The following RDH13 variants were observed in gnomAD, a reference collection of about 807,000 sequenced individuals.
RDH13 encodes retinol dehydrogenase 13 (all-trans and 9-cis).
A neutral mutation model predicts 28.3 loss-of-function variants in RDH13; 35 were observed. The observed-to-expected ratio is 1.24, with a 90% CI of 0.95 to 1.64. RDH13 has a LOEUF of 1.64. Ranked by LOEUF, RDH13 falls within the 40% of genes most tolerant of loss-of-function variation. The pLI, the probability that RDH13 is intolerant of heterozygous loss-of-function variation, is 0.00. For synonymous variants in RDH13, 229 were observed against 198.5 expected (o/e 1.15, Z -1.29); for missense variants, 514 against 446.3 (o/e 1.15, Z -1.37).
chr19:55,063,061 A>AGGCGTCAGGCGTCAGGCGTCC lies in RDH13; in HGVS notation c.-30_-29insGGACGCCTGACGCCTGACGCC, dbSNP rs56128826. 5.8e-3 allele frequency: 7,570 copies of AGGCGTCAGGCGTCAGGCGTCC among 1,307,786 alleles called. 30 individuals carry two copies. The highest frequency in any genetic ancestry group is 6.9e-3 in the Non-Finnish European group (6,999 of 1,015,166). 81.0% of individuals were successfully genotyped at this position (1,307,786 alleles called of 1,614,324 possible). On this transcript the variant is annotated 5_prime_UTR_variant, in exon 1 of 7. Coordinates refer to ENST00000415061, the MANE Select transcript of RDH13 (RefSeq NM_001145971.2). Reference sequence around the variant, plus strand: ...GGGCCGGGGACAGGCGTCAGGCGTCAGGGGTCGGCGCGGAGCTTGCTGCAC... The same window carrying AGGCGTCAGGCGTCAGGCGTCC: ...GGGCCGGGGACAGGCGTCAGGCGTCAGGCGTCAGGCGTCAGGCGTCCGGGGTCGGCGCGGAGCTTGCTGCAC...
upstream of RDH13, among the ~76,000 whole-genome samples, chr19:55,064,802 G>A (rs569894020): frequency 2.9e-4 from 43 of 149,764 alleles, 1 homozygote; most frequent in Non-Finnish European, 4.9e-4. Context: ...TAGTAGAGAC[G>A]GGGTTTCACC....
Position 55,063,050 on chromosome 19 carries a change from C to CGTCAGGA in RDH13, c.-19_-18insTCCTGAC, listed in dbSNP as rs754233428. 3.1e-6 allele frequency: 4 copies of CGTCAGGA among 1,294,336 alleles called. No individual in the cohort carries two copies. The highest frequency in any genetic ancestry group is 5.0e-5 in the Admixed American group (1 of 19,850). 80.2% of individuals were successfully genotyped at this position (1,294,336 alleles called of 1,614,324 possible). Reference sequence around the variant, plus strand: ...CGGCTCATGCCGGGCCGGGGACAGGCGTCAGGCGTCAGGGGTCGGCGCGGA... The same window carrying CGTCAGGA: ...CGGCTCATGCCGGGCCGGGGACAGGCGTCAGGAGTCAGGCGTCAGGGGTCGGCGCGGA... On this transcript the variant is annotated 5_prime_UTR_variant, in exon 1 of 7. Transcript: ENST00000415061.
At chr19:55,049,290 A>C (rs547256867) in intron 3 of RDH13, among the ~76,000 whole-genome samples, 1 of 152,276 alleles carries the variant, frequency 6.6e-6, no homozygotes, top group East Asian at 1.9e-4. Flanking sequence ...CAAAAACGGG[A>C]GGTTACCGGT....
intron 4 of RDH13, 45 bp downstream of exon 4, chr19:55,048,614 G>T: frequency 6.2e-7 from 1 of 1,610,066 alleles, no homozygotes; most frequent in Non-Finnish European, 8.5e-7. Context: ...GGACGACGGG[G>T]GAGGATCGCT....
intron 1 of RDH13, among the ~76,000 whole-genome samples, chr19:55,062,284 C>T (rs2075831901): frequency 6.6e-6 from 1 of 152,150 alleles, no homozygotes; most frequent in African/African-American, 2.4e-5. Flanking sequence ...AAGATAGTGT[C>T]CAGCAACAGG....
chr19:55,048,698 C>T lies in RDH13; in HGVS notation c.406G>A (p.Glu136Lys), dbSNP rs1216781806. The change falls in exon 4 of 7, where the codon GAG (glutamate) becomes AAG (lysine). Residue 136 changes from glutamate to lysine, a missense_variant. Transcript: ENST00000415061. ...GVMRCPHWTT[E>K]DGFEMQFGVN... ...CCAAACTGCATCTCGAAGCCGTCCT[C>T]GGTGGTCCAGTGGGGGCACCGCATC... 10 of 1,613,870 alleles carry T rather than the reference C, an allele frequency of 6.2e-6. No individual in the cohort carries two copies. Among genetic ancestry groups the T allele is most frequent in the Admixed American group, 1.7e-5 (1 of 59,946 alleles).
chr19:55,063,074 G>A lies in RDH13; in HGVS notation c.-42C>T, dbSNP rs759574631. The A allele has an allele frequency of 8.6e-7, 1 of 1,168,998 alleles. No individual in the cohort carries two copies. The highest frequency in any genetic ancestry group is 1.8e-5 in the African/African-American group (1 of 56,246). The allele number at this position is 1,168,998 out of a possible 1,614,324, so 72.4% of individuals were successfully genotyped here. The stretch of plus-strand genomic sequence containing the variant: ...GCGTCAGGCGTCAGGGGTCGGCGCG[G>A]AGCTTGCTGCACACCAGCCGCCTGG... On this transcript the variant is annotated 5_prime_UTR_variant, in exon 1 of 7. Coordinates refer to ENST00000415061, the MANE Select transcript of RDH13 (RefSeq NM_001145971.2).
chr19:55,061,099 AC>A (rs2075794747), intron 1 of RDH13, among the ~76,000 whole-genome samples: 1 of 151,802 alleles, frequency 6.6e-6, no homozygotes, highest in African/African-American at 2.4e-5. Context: ...CTGCATCCTC[AC>A]TGGAACCTCT....
chr19:55,061,441 A>G (rs1022881909), intron 1 of RDH13, among the ~76,000 whole-genome samples: 2 of 151,442 alleles, frequency 1.3e-5, no homozygotes, highest in Non-Finnish European at 2.9e-5. Flanking sequence ...CTCTCCTTCT[A>G]TCTTCCATCT....
chr19:55,066,192 A>G (rs1293415167), upstream of RDH13, among the ~76,000 whole-genome samples: 1 of 152,210 alleles, frequency 6.6e-6, no homozygotes, highest in Non-Finnish European at 1.5e-5. Flanking sequence ...CAAGGGAGTT[A>G]GAACATCTGT....
chr19:55,045,377 G>T, intron 6 of RDH13, 68 bp from the exon 7 acceptor site: 2 of 1,304,200 alleles, frequency 1.5e-6, no homozygotes, highest in African/African-American at 1.5e-5. Flanking sequence ...CCCGCTCCCC[G>T]GTCAGGGAGC....
Position 55,057,123 on chromosome 19 carries a change from G to A in RDH13, c.185-315C>T, listed in dbSNP as rs75230640. ...AACCAGACACGAAAGACCACACAGCGTACAATCCCATTTACATGAATTCTA... is the reference window on the plus strand; with the variant it reads ...AACCAGACACGAAAGACCACACAGCATACAATCCCATTTACATGAATTCTA... On this transcript the variant is annotated intron_variant, in intron 2 of 6. Coordinates refer to ENST00000415061, the MANE Select transcript of RDH13 (RefSeq NM_001145971.2). Among the ~76,000 whole-genome samples the A allele has an allele frequency of 3.4e-3, 511 of 152,118 alleles. 2 individuals carry two copies. The highest frequency in any genetic ancestry group is 5.7e-3 in the Non-Finnish European group (390 of 67,996).
At chr19:55,052,063 CT>C (rs111427426) in intron 3 of RDH13, among the ~76,000 whole-genome samples, 28 of 120,770 alleles carry the variant, frequency 2.3e-4, no homozygotes, top group Admixed American at 7.1e-4. Context: ...ACTGCCTCAA[CT>C]TTTTTTTTTT....
chr19:55,045,277 C>T lies in RDH13; in HGVS notation c.793G>A (p.Glu265Lys), dbSNP rs757707934. Reference protein sequence around the residue: ...PIFWLLVKSPELAAQPSTYLA... With the variant: ...PIFWLLVKSPKLAAQPSTYLA... Reference sequence around the variant, plus strand: ...TATGTGCTGGGCTGGGCGGCCAGCTCGGGGCTCTTGACCAGCAGCCAGAAG... The same window carrying T: ...TATGTGCTGGGCTGGGCGGCCAGCTTGGGGCTCTTGACCAGCAGCCAGAAG... Residue 265 changes from glutamate (E) to lysine (K), a missense_variant, in exon 7 of 7, where the codon GAG becomes AAG. Glu to Lys is a moderately conservative substitution (Grantham distance 56). Transcript: ENST00000415061. 2.0e-5 allele frequency: 32 copies of T among 1,612,780 alleles called. No homozygotes were observed. The highest frequency in any genetic ancestry group is 3.3e-5 in the Admixed American group (2 of 59,968).
At chr19:55,056,414 C>T (rs796122324) in intron 3 of RDH13, among the ~76,000 whole-genome samples, 3 of 152,158 alleles carry the variant, frequency 2.0e-5, no homozygotes, top group African/African-American at 7.2e-5. Context: ...GCCGAGATCG[C>T]GCCATTGCAC....
At chr19:55,051,622 G>T (rs1363040842) in intron 3 of RDH13, among the ~76,000 whole-genome samples, 1 of 151,846 alleles carries the variant, frequency 6.6e-6, no homozygotes, top group East Asian at 1.9e-4. Context: ...TAGAGACGGG[G>T]TTTCACCATC....
chr19:55,048,751 A>C lies in RDH13; in HGVS notation c.353T>G (p.Val118Gly). ...ACCCGCGTTGTTGATTAGAATGTCC[A>C]CTCGCTCCTCCTCTGGAAGAGAGGG... Reference protein sequence around the residue: ...AAKIIEEEERVDILINNAGVM... With the variant: ...AAKIIEEEERGDILINNAGVM... The change falls in exon 4 of 7, where the codon GTG becomes GGG. Residue 118 changes from valine (V) to glycine (G), a missense_variant. Physicochemically the swap from Val to Gly is moderately radical, Grantham distance 109. Transcript: ENST00000415061. 1.2e-6 allele frequency: 2 copies of C among 1,613,274 alleles called. No homozygotes were observed. The highest frequency in any genetic ancestry group is 1.6e-4 in the Middle Eastern group (1 of 6,062).
At position 55,063,021 on chromosome 19, in the gene RDH13, G is replaced by A. The variant is rs761474237; in HGVS notation, c.12C>T (p.Tyr4=). The A allele has an allele frequency of 1.4e-6, 2 of 1,453,688 alleles. No homozygotes were observed. The highest frequency in any genetic ancestry group is 2.7e-5 in the Admixed American group (1 of 37,618). The allele number at this position is 1,453,688 out of a possible 1,614,324, so 90.0% of individuals were successfully genotyped here. Residue 4 remains tyrosine, a synonymous_variant, in exon 1 of 7, where the codon TAC becomes TAT. Transcript: ENST00000415061. ...TGCCCAGCGCCGACAGCGGCAGCAGGTAGCGGCTCATGCCGGGCCGGGGAC... is the reference window on the plus strand; with the variant it reads ...TGCCCAGCGCCGACAGCGGCAGCAGATAGCGGCTCATGCCGGGCCGGGGAC... MSR[Y]LLPLSALGTV...
intron 1 of RDH13, among the ~76,000 whole-genome samples, chr19:55,061,533 G>A (rs533948841): frequency 6.6e-6 from 1 of 150,552 alleles, no homozygotes; most frequent in Non-Finnish European, 1.5e-5. Flanking sequence ...CCTCACACCT[G>A]TAATCCCAGC....
Sources: allele counts gnomAD v4.1 joint callset (sites outside exome capture counted in the v4.1 genomes callset), GRCh38; gene constraint gnomAD v4.1.1; transcripts MANE v1.5; gene names NCBI Gene and HGNC (gene_info 2026-07-23, HGNC 2026-07-21).